Variants in DOCK2 observed in about 807,000 individuals in gnomAD.
DOCK2 encodes dedicator of cytokinesis 2, also known as dedicator of cytokinesis protein 2.
In DOCK2, 87 loss-of-function variants were observed where a neutral mutation model predicts 248.9. That is an observed-to-expected ratio of 0.35 (90% confidence interval 0.29 to 0.42). The LOEUF is 0.42. Among genes scored for constraint, DOCK2 ranks in the 10% least tolerant of loss-of-function variants. DOCK2 has a pLI of 1.00. For missense variants in DOCK2, 1,747 were observed against 2,300.2 expected (o/e 0.76, Z 4.92); for synonymous variants, 805 against 821.6 (o/e 0.98, Z 0.35).
At chr5:169,721,261 A>G (rs563703551) in intron 22 of DOCK2, among the ~76,000 whole-genome samples, 4 of 152,362 alleles carry the variant, frequency 2.6e-5, no homozygotes, top group African/African-American at 7.2e-5. Context: ...ATAGCAGCAC[A>G]TCACTGACAT....
intron 30 of DOCK2, chr5:169,998,051 A>G (rs1223802569): frequency 4.4e-6 from 2 of 456,152 alleles, no homozygotes; most frequent in Non-Finnish European, 8.8e-6. Flanking sequence ...TTCTGTTCAA[A>G]TACTTCCTCC....
chr5:169,750,644 G>A (rs556503945), intron 23 of DOCK2, among the ~76,000 whole-genome samples: 2 of 152,326 alleles, frequency 1.3e-5, no homozygotes, highest in African/African-American at 2.4e-5. Flanking sequence ...GGCCAGGTTT[G>A]TTGGTTTGTT....
intron 27 of DOCK2, among the ~76,000 whole-genome samples, chr5:169,904,966 G>C (rs1178773820): frequency 6.6e-6 from 1 of 152,132 alleles, no homozygotes; most frequent in African/African-American, 2.4e-5. Flanking sequence ...CTCCCTAGCT[G>C]TGTGACCTTG....
intron 25 of DOCK2, among the ~76,000 whole-genome samples, chr5:169,782,733 G>A (rs1004120313): frequency 4.6e-5 from 7 of 152,012 alleles, no homozygotes; most frequent in African/African-American, 1.5e-4. Context: ...TGCCTAGAGG[G>A]GATTTCATCC....
chr5:170,021,622 C>T (rs912267088), intron 33 of DOCK2, among the ~76,000 whole-genome samples: 1 of 152,162 alleles, frequency 6.6e-6, no homozygotes, highest in Non-Finnish European at 1.5e-5. Context: ...CTCCTCACTC[C>T]AGTGTGCATT....
chr5:169,750,777 A>G (rs1324678377), intron 23 of DOCK2, among the ~76,000 whole-genome samples: 3 of 152,110 alleles, frequency 2.0e-5, no homozygotes, highest in African/African-American at 7.2e-5. Context: ...CTATTTACAT[A>G]GCTATTGAAA....
chr5:169,662,775 G>T (rs190181946), intron 2 of DOCK2, among the ~76,000 whole-genome samples: 1 of 152,136 alleles, frequency 6.6e-6, no homozygotes, highest in Non-Finnish European at 1.5e-5. Context: ...TTCCCACCAG[G>T]TCCCTCCCCT....
intron 29 of DOCK2, among the ~76,000 whole-genome samples, chr5:169,993,549 T>TTGTGTGAGTGTG (rs1554124588): frequency 6.7e-6 from 1 of 149,376 alleles, no homozygotes; most frequent in Non-Finnish European, 1.5e-5. Flanking sequence ...TCACATCCAT[T>TTGTGTGAGTGTG]TGTGTGTGTG....
intron 27 of DOCK2, among the ~76,000 whole-genome samples, chr5:169,949,029 T>C (rs1052858588): frequency 1.3e-5 from 2 of 152,166 alleles, no homozygotes; most frequent in African/African-American, 4.8e-5. Flanking sequence ...CCTCCCAACC[T>C]TAGAATCACC....
chr5:169,750,139 G>C (rs983807958), intron 23 of DOCK2, among the ~76,000 whole-genome samples: 2 of 152,216 alleles, frequency 1.3e-5, no homozygotes, highest in Non-Finnish European at 2.9e-5. Flanking sequence ...AGAGGAGAAA[G>C]GCGCTGATGC....
intron 27 of DOCK2, among the ~76,000 whole-genome samples, chr5:169,971,557 A>C (rs1340893751): frequency 6.6e-6 from 1 of 152,050 alleles, no homozygotes. Context: ...TCAGCCTCAT[A>C]GGATTTTTCT....
chr5:169,794,729 C>T (rs1187244232), intron 25 of DOCK2, among the ~76,000 whole-genome samples: 1 of 152,148 alleles, frequency 6.6e-6, no homozygotes. Context: ...TCGAGACCAT[C>T]CTGGCTAACA....
In DOCK2 at chr5:169,791,795, G is replaced by C. The variant is rs112037204; in HGVS notation, c.2555-11263G>C. Among the ~76,000 whole-genome samples, 143 of 152,264 alleles carry C rather than the reference G, an allele frequency of 9.4e-4. 1 individual carries two copies. Among genetic ancestry groups the C allele is most frequent in the African/African-American group, 3.2e-3 (133 of 41,552 alleles). ...AATCCATTGAATAGGTTTTGGTAAG[G>C]ATTAAATAAATTCTCAGTATGATGC... is the stretch of plus-strand genomic sequence containing the variant. On this transcript the variant is annotated intron_variant, in intron 25 of 51. Transcript: ENST00000520908.
intron 32 of DOCK2, among the ~76,000 whole-genome samples, chr5:170,017,436 G>T (rs920337112): frequency 6.6e-6 from 1 of 152,200 alleles, no homozygotes; most frequent in Non-Finnish European, 1.5e-5. Context: ...CAATTCCTAA[G>T]TGCTCCTCTT....
intron 27 of DOCK2, among the ~76,000 whole-genome samples, chr5:169,933,073 C>T (rs1203288449): frequency 6.6e-6 from 1 of 152,238 alleles, no homozygotes; most frequent in African/African-American, 2.4e-5. Context: ...TCCACCTATC[C>T]TACAGTCGTT....
At chr5:169,839,160 G>A (rs994675809) in intron 26 of DOCK2, among the ~76,000 whole-genome samples, 21 of 152,178 alleles carry the variant, frequency 1.4e-4, no homozygotes, top group African/African-American at 5.1e-4. Context: ...ACACAAGGCT[G>A]TTCCCAAACC....
At chr5:169,898,984 G>A (rs141941575) in intron 27 of DOCK2, among the ~76,000 whole-genome samples, 2 of 152,296 alleles carry the variant, frequency 1.3e-5, no homozygotes, top group African/African-American at 4.8e-5. Context: ...AACTCAGTCT[G>A]TGAAGTAGAA....
intron 2 of DOCK2, among the ~76,000 whole-genome samples, chr5:169,666,820 GATAAA>G (rs1274479671): frequency 2.0e-5 from 3 of 152,216 alleles, no homozygotes; most frequent in African/African-American, 7.2e-5. Flanking sequence ...AGCAAGTGGA[GATAAA>G]GCCTTCTTGC....
intron 48 of DOCK2, among the ~76,000 whole-genome samples, chr5:170,078,661 TG>T (rs1002269104): frequency 6.6e-5 from 10 of 152,382 alleles, no homozygotes; most frequent in Admixed American, 6.5e-4. Flanking sequence ...GAACTGGCCG[TG>T]CCTGGATTTG....
Sources: allele counts gnomAD v4.1 joint callset (sites outside exome capture counted in the v4.1 genomes callset), GRCh38; gene constraint gnomAD v4.1.1; transcripts MANE v1.5; gene names NCBI Gene and HGNC (gene_info 2026-07-23, HGNC 2026-07-21).